Variants in RBM47 observed in about 807,000 individuals in gnomAD.
RBM47 encodes RNA binding motif protein 47.
RBM47 carries 21 observed loss-of-function variants against 47.1 expected under a neutral mutation model. That is an observed-to-expected ratio of 0.45 (90% CI 0.32 to 0.64). RBM47 has a LOEUF of 0.64. RBM47 is among the 30% of genes least tolerant of loss of function. RBM47 has a pLI of 0.05. For synonymous variants in RBM47, 375 were observed against 361.7 expected (o/e 1.04, Z -0.42); for missense variants, 708 against 870.9 (o/e 0.81, Z 2.35).
chr4:40,584,796 C>T (rs563843519), intron 1 of RBM47, among the ~76,000 whole-genome samples: 10 of 152,280 alleles, frequency 6.6e-5, no homozygotes, highest in South Asian at 2.1e-4. Flanking sequence ...AACTCAGTTG[C>T]GCCAGCCACA....
chr4:40,612,499 G>A (rs995590925), intron 1 of RBM47, among the ~76,000 whole-genome samples: 1 of 152,202 alleles, frequency 6.6e-6, no homozygotes, highest in African/African-American at 2.4e-5. Flanking sequence ...GCCTGGGCAA[G>A]AGAGCCAGAC....
chr4:40,548,578 A>G (rs1476872407), intron 1 of RBM47, among the ~76,000 whole-genome samples: 1 of 152,258 alleles, frequency 6.6e-6, no homozygotes, highest in Non-Finnish European at 1.5e-5. Context: ...AAGGTCAGTC[A>G]TCATGGCGTT....
At chr4:40,548,377 G>A (rs1729226378) in intron 1 of RBM47, among the ~76,000 whole-genome samples, 1 of 152,192 alleles carries the variant, frequency 6.6e-6, no homozygotes, top group African/African-American at 2.4e-5. Context: ...CCAAGGCAAG[G>A]AACCAGGAGC....
intron 2 of RBM47, among the ~76,000 whole-genome samples, chr4:40,501,548 G>A (rs980830333): frequency 3.9e-5 from 6 of 152,222 alleles, no homozygotes; most frequent in Non-Finnish European, 7.3e-5. Flanking sequence ...AAAGTCCTTG[G>A]CATGTGTGTA....
Position 40,423,984 on chromosome 4 carries a change from T to C in RBM47, c.*1920A>G, listed in dbSNP as rs1237266834. 1 of 152,308 alleles carries C rather than the reference T, an allele frequency of 6.6e-6. No homozygotes were observed. Among genetic ancestry groups the C allele is most frequent in the Non-Finnish European group, 1.5e-5 (1 of 68,016 alleles). 9.4% of individuals were successfully genotyped at this position (152,308 alleles called of 1,614,324 possible). On this transcript the variant is annotated 3_prime_UTR_variant, in exon 7 of 7. Transcript: ENST00000295971. The stretch of plus-strand genomic sequence containing the variant: ...AACATTGCACAATTATTTTATGTCA[T>C]TTAAAAGAATGATGGAAAGGAATGT...
At chr4:40,592,361 G>A (rs897940917) in intron 1 of RBM47, among the ~76,000 whole-genome samples, 8 of 149,660 alleles carry the variant, frequency 5.3e-5, no homozygotes, top group South Asian at 2.1e-4. Flanking sequence ...CTCAGCAGTC[G>A]TCCCACCTCA....
intron 3 of RBM47, among the ~76,000 whole-genome samples, chr4:40,442,050 C>A (rs1161055359): frequency 1.3e-5 from 2 of 152,092 alleles, no homozygotes; most frequent in Non-Finnish European, 2.9e-5. Context: ...TCATGTTCAT[C>A]TAATTTGGGT....
At chr4:40,614,269 T>C (rs1483902186) in intron 1 of RBM47, among the ~76,000 whole-genome samples, 1 of 151,900 alleles carries the variant, frequency 6.6e-6, no homozygotes, top group Admixed American at 6.6e-5. Flanking sequence ...CAACATCAAA[T>C]GAACCAGCAG....
At chr4:40,615,357 C>A (rs972300643) in intron 1 of RBM47, among the ~76,000 whole-genome samples, 2 of 152,112 alleles carry the variant, frequency 1.3e-5, no homozygotes, top group Non-Finnish European at 2.9e-5. Flanking sequence ...GTGAGAGACT[C>A]TCTTGAACCC....
Position 40,526,789 on chromosome 4 carries a change from CTTTTTT to C in RBM47, c.-155+17627_-155+17632del, listed in dbSNP as rs540484622. ...TCTCACTGTGCTGCCCAGTTTGGTT[CTTTTTT>C]TTTTTTTTTTTTTTTTTTTTTTGCA... On this transcript the variant is annotated intron_variant, in intron 2 of 6. Coordinates refer to ENST00000295971, the MANE Select transcript of RBM47 (RefSeq NM_001098634.2). Among the ~76,000 whole-genome samples, 280 of 61,622 alleles carry C rather than the reference CTTTTTT, an allele frequency of 4.5e-3. 4 individuals are homozygous for C. In the East Asian group the frequency reaches 0.047, roughly 10 times the overall value. The allele number at this position is 61,622 out of a possible 152,430, so 40.4% of individuals were successfully genotyped here.
chr4:40,591,800 C>A (rs1484737679), intron 1 of RBM47, among the ~76,000 whole-genome samples: 1 of 152,178 alleles, frequency 6.6e-6, no homozygotes, highest in African/African-American at 2.4e-5. Context: ...AGCGTCAACA[C>A]TGGAGTGGAG....
chr4:40,611,260 A>T (rs1736233654), intron 1 of RBM47, among the ~76,000 whole-genome samples: 1 of 152,224 alleles, frequency 6.6e-6, no homozygotes, highest in Admixed American at 6.5e-5. Context: ...TCTAGAAAGC[A>T]CAAAAGAGTA....
intron 6 of RBM47, among the ~76,000 whole-genome samples, chr4:40,429,920 C>A (rs1053856876): frequency 2.0e-5 from 3 of 151,882 alleles, no homozygotes; most frequent in South Asian, 2.1e-4. Flanking sequence ...GGTGGCCGGG[C>A]GCGGTGGCTC....
intron 1 of RBM47, among the ~76,000 whole-genome samples, chr4:40,571,875 T>G (rs1038256552): frequency 3.5e-4 from 53 of 151,222 alleles, no homozygotes; most frequent in African/African-American, 1.2e-3. Flanking sequence ...AAAAAAAAAT[T>G]AGCCAGGCGT....
chr4:40,610,088 T>C (rs952728764), intron 1 of RBM47, among the ~76,000 whole-genome samples: 3 of 151,632 alleles, frequency 2.0e-5, no homozygotes, highest in Non-Finnish European at 4.4e-5. Flanking sequence ...TGAAACTCTG[T>C]CTCAAAATAA....
intron 1 of RBM47, among the ~76,000 whole-genome samples, chr4:40,569,222 G>C (rs546351249): frequency 6.6e-5 from 10 of 151,876 alleles, no homozygotes; most frequent in Admixed American, 1.3e-4. Flanking sequence ...TAAACTCACA[G>C]AGAATACCAT....
chr4:40,465,916 T>C (rs1222884028), intron 3 of RBM47, among the ~76,000 whole-genome samples: 1 of 152,128 alleles, frequency 6.6e-6, no homozygotes, highest in Non-Finnish European at 1.5e-5. Flanking sequence ...AATCCTAGTC[T>C]AGTTTGTACC....
At chr4:40,590,288 C>T (rs547875634) in intron 1 of RBM47, among the ~76,000 whole-genome samples, 3 of 152,098 alleles carry the variant, frequency 2.0e-5, no homozygotes, top group Non-Finnish European at 4.4e-5. Flanking sequence ...CCAGCGACTC[C>T]AGAGGATGAC....
intron 2 of RBM47, among the ~76,000 whole-genome samples, chr4:40,518,220 G>GTGCA (rs1224185102): frequency 1.5e-5 from 2 of 131,492 alleles, no homozygotes; most frequent in African/African-American, 5.8e-5. Flanking sequence ...CCATGTTGGA[G>GTGCA]TGCAGTGGTG....
Sources: gnomAD v4.1 joint callset for allele counts (sites outside exome capture counted in the v4.1 genomes callset) on GRCh38, gnomAD v4.1.1 for gene constraint, MANE v1.5 for transcripts, NCBI Gene and HGNC (gene_info 2026-07-23, HGNC 2026-07-21) for gene names.